Variants in CSGALNACT2 observed in about 807,000 individuals in gnomAD.
The protein encoded by CSGALNACT2 is chondroitin sulfate N-acetylgalactosaminyltransferase 2.
A neutral mutation model predicts 55.3 loss-of-function variants in CSGALNACT2; 35 were observed. That is an observed-to-expected ratio of 0.63 (90% CI 0.48 to 0.84). The LOEUF is 0.84. Among genes scored for constraint, CSGALNACT2 ranks in the 40% least tolerant of loss-of-function variants. The pLI is 0.00. For missense variants in CSGALNACT2, 544 were observed against 657.5 expected (o/e 0.83, Z 1.89); for synonymous variants, 196 against 224.9 (o/e 0.87, Z 1.15).
At chr10:43,175,896 A>C in intron 6 of CSGALNACT2, 55 bp from the exon 7 acceptor site, 1 of 1,467,038 alleles carries the variant, frequency 6.8e-7, no homozygotes, top group Admixed American at 2.0e-5. Context: ...CGTTGATTAA[A>C]ACTTCTGCTT....
At chr10:43,163,658 A>C (rs1588904620) in intron 4 of CSGALNACT2, 4 of 985,454 alleles carry the variant, frequency 4.1e-6, no homozygotes, top group Middle Eastern at 5.2e-4. Context: ...CATACCACCA[A>C]CATGTGCCTC....
rs963712770 is a variant in CSGALNACT2 at position 43,140,027 on chromosome 10, C to T, written c.-254+1460C>T. Among the ~76,000 whole-genome samples the T allele has an allele frequency of 2.0e-5, 3 of 151,972 alleles. No homozygotes were observed. In the South Asian group the frequency reaches 6.2e-4, roughly 32 times the overall value. On this transcript the variant is annotated intron_variant, in intron 1 of 7. Coordinates refer to ENST00000374466, the MANE Select transcript of CSGALNACT2 (RefSeq NM_018590.5). ...TGGCAAACATGGTGAAACCGCATCT[C>T]TACTAAAAATACAAAAATTAGCCAG...
intron 7 of CSGALNACT2, among the ~76,000 whole-genome samples, chr10:43,178,865 C>T (rs1475252801): frequency 6.6e-6 from 1 of 152,040 alleles, no homozygotes; most frequent in Non-Finnish European, 1.5e-5. Context: ...TATGTTGGTA[C>T]ATTTAATGGT....
intron 1 of CSGALNACT2, among the ~76,000 whole-genome samples, chr10:43,154,573 A>G (rs545022836): frequency 1.3e-5 from 2 of 152,282 alleles, no homozygotes; most frequent in East Asian, 3.9e-4. Context: ...TAAAAATACA[A>G]AAATTAGCTG....
At chr10:43,142,562 A>G (rs114014209) in intron 1 of CSGALNACT2, among the ~76,000 whole-genome samples, 2,005 of 152,344 alleles carry the variant, frequency 0.013, 46 homozygotes, top group African/African-American at 0.045. Context: ...CATGAAAATT[A>G]TATGAAGTTC....
chr10:43,166,360 C>G (rs1166261180), intron 5 of CSGALNACT2, among the ~76,000 whole-genome samples: 1 of 152,166 alleles, frequency 6.6e-6, no homozygotes, highest in South Asian at 2.1e-4. Context: ...GTGATCATAT[C>G]TGATTGAAGC....
chr10:43,163,390 T>C (rs1334097744), intron 4 of CSGALNACT2: 1 of 624,584 alleles, frequency 1.6e-6, no homozygotes, highest in East Asian at 1.4e-4. Flanking sequence ...GGAAAACAGC[T>C]GAGGAAGAGG....
At position 43,155,471 on chromosome 10, in the gene CSGALNACT2, GGCTATCAGAGCAACAAAGA is replaced by G; in HGVS notation, c.325_343del (p.Tyr109LysfsTer7). On this transcript the variant is annotated frameshift_variant, in exon 2 of 8. Coordinates refer to ENST00000374466, the MANE Select transcript of CSGALNACT2 (RefSeq NM_018590.5). LOFTEE classifies it high-confidence loss of function. ...AAGGAATGTAGGGGCTAATGGCATAGGCTATCAGAGCAACAAAGAGCAAGCACCTAGTGATCTTTTAGAG... is the reference window on the plus strand; with the variant it reads ...AAGGAATGTAGGGGCTAATGGCATAGGCAAGCACCTAGTGATCTTTTAGAG... 6.2e-7 allele frequency: 1 copy of G among 1,614,222 alleles called. No homozygotes were observed. Among genetic ancestry groups the G allele is most frequent in the Non-Finnish European group, 8.5e-7 (1 of 1,180,038 alleles).
chr10:43,141,663 A>G (rs1838628889), intron 1 of CSGALNACT2, among the ~76,000 whole-genome samples: 1 of 151,486 alleles, frequency 6.6e-6, no homozygotes, highest in Non-Finnish European at 1.5e-5. Context: ...AAAGTGGGAA[A>G]GACTACCCAT....
At chr10:43,144,816 C>T (rs1367073553) in intron 1 of CSGALNACT2, among the ~76,000 whole-genome samples, 1 of 152,182 alleles carries the variant, frequency 6.6e-6, no homozygotes, top group Non-Finnish European at 1.5e-5. Flanking sequence ...GGTACCACCT[C>T]CCACAGGCAA....
At chr10:43,173,239 A>C (rs999662693) in intron 6 of CSGALNACT2, among the ~76,000 whole-genome samples, 2 of 152,228 alleles carry the variant, frequency 1.3e-5, no homozygotes, top group African/African-American at 4.8e-5. Context: ...GTAGGAAATT[A>C]GCAAAGGAAA....
intron 1 of CSGALNACT2, among the ~76,000 whole-genome samples, chr10:43,147,217 C>A (rs1399166718): frequency 1.3e-5 from 2 of 151,798 alleles, no homozygotes; most frequent in Non-Finnish European, 2.9e-5. Flanking sequence ...CCTCGTGATC[C>A]GCCCGCCTCG....
chr10:43,176,034 T>G lies in CSGALNACT2; in HGVS notation c.1336+2T>G. 6.3e-7 allele frequency: 1 copy of G among 1,599,874 alleles called. No individual in the cohort carries two copies. The highest frequency in any genetic ancestry group is 8.5e-7 in the Non-Finnish European group (1 of 1,173,958). On this transcript the variant is annotated splice_donor_variant, in intron 7 of 7. Coordinates refer to ENST00000374466, the MANE Select transcript of CSGALNACT2 (RefSeq NM_018590.5). LOFTEE classifies it high-confidence loss of function. ...ATCGTTCAGATTTCCTGACCATTGG[T>G]AAGTATACTTTACATTTAAGGATAG... is the stretch of plus-strand genomic sequence containing the variant.
chr10:43,152,228 A>T (rs1407695366), intron 1 of CSGALNACT2, among the ~76,000 whole-genome samples: 5 of 152,220 alleles, frequency 3.3e-5, no homozygotes, highest in Admixed American at 2.0e-4. Flanking sequence ...TCATGATACA[A>T]ACACATTTCA....
chr10:43,153,157 A>C (rs1838914733), intron 1 of CSGALNACT2, among the ~76,000 whole-genome samples: 1 of 152,010 alleles, frequency 6.6e-6, no homozygotes, highest in Admixed American at 6.6e-5. Flanking sequence ...GACCACGATG[A>C]AACCCCGTCT....
intron 6 of CSGALNACT2, among the ~76,000 whole-genome samples, chr10:43,169,991 C>T (rs918646918): frequency 6.6e-5 from 10 of 152,142 alleles, no homozygotes; most frequent in African/African-American, 2.4e-4. Flanking sequence ...TATTTCTCAA[C>T]AGACCTTTGT....
At chr10:43,167,355 A>G (rs1193974026) in intron 6 of CSGALNACT2, among the ~76,000 whole-genome samples, 1 of 152,178 alleles carries the variant, frequency 6.6e-6, no homozygotes, top group East Asian at 1.9e-4. Flanking sequence ...CATGTCCCAG[A>G]ATGTGGAAAT....
chr10:43,164,248 G>T (rs1441401735), intron 5 of CSGALNACT2, among the ~76,000 whole-genome samples: 1 of 152,062 alleles, frequency 6.6e-6, no homozygotes, highest in East Asian at 1.9e-4. Context: ...TTGTTCTCTT[G>T]GGTCCAACTT....
intron 5 of CSGALNACT2, among the ~76,000 whole-genome samples, chr10:43,166,647 A>G (rs927829953): frequency 1.3e-5 from 2 of 152,226 alleles, no homozygotes; most frequent in East Asian, 1.9e-4. Flanking sequence ...AGACGTTTCT[A>G]AGTTTCATAG....
Sources: gnomAD v4.1 joint callset for allele counts (sites outside exome capture counted in the v4.1 genomes callset) on GRCh38, gnomAD v4.1.1 for gene constraint, MANE v1.5 for transcripts, NCBI Gene and HGNC (gene_info 2026-07-23, HGNC 2026-07-21) for gene names.